The following ZPLD1 variants were observed in gnomAD, a reference collection of about 807,000 sequenced individuals.
The protein encoded by ZPLD1 is zona pellucida-like domain-containing protein 1.
Under a neutral mutation model 47.2 loss-of-function variants are expected in ZPLD1, and 34 were observed. The ratio of observed to expected loss-of-function variants is 0.72; its 90% CI spans 0.55 to 0.96. ZPLD1 has a LOEUF of 0.96. ZPLD1 is among the 40% of genes least tolerant of loss of function. The pLI is 0.00. For missense variants in ZPLD1, 512 were observed against 505.8 expected (o/e 1.01, Z -0.12); for synonymous variants, 176 against 186.2 (o/e 0.95, Z 0.45).
chr3:102,409,723 T>C (rs1706729421), intron 7 of ZPLD1, among the ~76,000 whole-genome samples: 1 of 151,802 alleles, frequency 6.6e-6, no homozygotes, highest in Admixed American at 6.6e-5. Flanking sequence ...TTCCATTTTT[T>C]GCTGAAACAG....
chr3:102,386,013 C>T (rs747869894), intron 6 of ZPLD1, among the ~76,000 whole-genome samples: 10 of 152,226 alleles, frequency 6.6e-5, no homozygotes, highest in African/African-American at 7.2e-5. Context: ...TTCTTCGAAC[C>T]GGTAGTGTCT....
chr3:102,411,767 T>G (rs1010536539), intron 7 of ZPLD1, among the ~76,000 whole-genome samples: 15 of 151,812 alleles, frequency 9.9e-5, no homozygotes, highest in African/African-American at 3.6e-4. Flanking sequence ...AATTATAGGA[T>G]AGGAGAGATG....
intron 5 of ZPLD1, among the ~76,000 whole-genome samples, chr3:102,457,327 C>T (rs748102374): frequency 9.8e-5 from 15 of 152,310 alleles, no homozygotes; most frequent in Middle Eastern, 3.4e-3. Context: ...CCAGTCCACA[C>T]ACTGAACACA....
At chr3:102,400,330 A>C (rs1471195511) in intron 7 of ZPLD1, among the ~76,000 whole-genome samples, 1 of 152,086 alleles carries the variant, frequency 6.6e-6, no homozygotes, top group African/African-American at 2.4e-5. Context: ...TGTTGAACAC[A>C]GTCTCTCACA....
intron 10 of ZPLD1, among the ~76,000 whole-genome samples, chr3:102,470,936 A>G (rs1015687194): frequency 2.0e-5 from 3 of 151,536 alleles, no homozygotes; most frequent in African/African-American, 7.3e-5. Flanking sequence ...CTGCCACCAT[A>G]CCTGGCTAAT....
At chr3:102,453,262 T>C (rs11708291) in intron 4 of ZPLD1, 123 bp downstream of exon 4, 148,277 of 862,042 alleles carry the variant, frequency 0.17, 14,539 homozygotes, top group Middle Eastern at 0.21. Context: ...ACAAATCACT[T>C]TCCTTTGCCT....
upstream of ZPLD1, among the ~76,000 whole-genome samples, chr3:102,432,181 C>T (rs138086692): frequency 3.1e-3 from 470 of 152,152 alleles, 3 homozygotes; most frequent in Middle Eastern, 0.02. Flanking sequence ...TAATTTAAAC[C>T]TTAATGAACT....
intron 3 of ZPLD1, among the ~76,000 whole-genome samples, chr3:102,450,100 A>G (rs997103418): frequency 6.6e-6 from 1 of 152,204 alleles, no homozygotes; most frequent in Non-Finnish European, 1.5e-5. Context: ...CAGGTCAAGT[A>G]TTTGGGTAAA....
intron 6 of ZPLD1, among the ~76,000 whole-genome samples, chr3:102,459,958 A>C (rs1707480866): frequency 6.6e-6 from 1 of 152,104 alleles, no homozygotes; most frequent in East Asian, 1.9e-4. Context: ...TTGCTGTATA[A>C]TACAGAAGAG....
At chr3:102,462,528 A>G (rs1707524448) in intron 7 of ZPLD1, 150 bp downstream of exon 7, 2 of 541,206 alleles carry the variant, frequency 3.7e-6, no homozygotes, top group Admixed American at 3.7e-5. Flanking sequence ...AAGAAATAAC[A>G]GATTACAAAG....
chr3:102,427,492 C>T (rs2107311451), intron 8 of ZPLD1, among the ~76,000 whole-genome samples: 1 of 152,224 alleles, frequency 6.6e-6, no homozygotes, highest in South Asian at 2.1e-4. Context: ...TCTCTAAATC[C>T]TTTTGGAATA....
chr3:102,392,519 C>T (rs754910238), intron 7 of ZPLD1, among the ~76,000 whole-genome samples: 1 of 150,084 alleles, frequency 6.7e-6, no homozygotes, highest in Non-Finnish European at 1.5e-5. Flanking sequence ...TTTCTTCCTT[C>T]CTTCCTTCCT....
intron 7 of ZPLD1, among the ~76,000 whole-genome samples, chr3:102,406,977 TTG>T: frequency 6.6e-6 from 1 of 151,998 alleles, no homozygotes. Flanking sequence ...ATTTTTGAAG[TTG>T]TGATTACATA....
chr3:102,463,810 A>T (rs62272492), intron 7 of ZPLD1, among the ~76,000 whole-genome samples: 19,827 of 150,054 alleles, frequency 0.13, 1,377 homozygotes, highest in Middle Eastern at 0.17. Flanking sequence ...GAGGCCGAGG[A>T]GGGTGGATCA....
intron 2 of ZPLD1, among the ~76,000 whole-genome samples, chr3:102,437,686 C>T (rs1030027693): frequency 2.0e-5 from 3 of 152,140 alleles, no homozygotes; most frequent in South Asian, 2.1e-4. Flanking sequence ...AATTATTAAA[C>T]GCAAAACTGA....
chr3:102,446,108 C>T (rs1336308076), intron 3 of ZPLD1, among the ~76,000 whole-genome samples: 2 of 152,174 alleles, frequency 1.3e-5, no homozygotes, highest in East Asian at 3.9e-4. Context: ...AAGACTTACA[C>T]ACCATTGAAA....
chr3:102,444,285 G>C (rs1707224047), intron 3 of ZPLD1, among the ~76,000 whole-genome samples: 1 of 152,304 alleles, frequency 6.6e-6, no homozygotes, highest in Non-Finnish European at 1.5e-5. Context: ...TAGAGCACTG[G>C]AAACAACAGC....
At chr3:102,465,357 G>C (rs1707574474) in intron 8 of ZPLD1, among the ~76,000 whole-genome samples, 1 of 152,104 alleles carries the variant, frequency 6.6e-6, no homozygotes, top group South Asian at 2.1e-4. Context: ...GAAAAAAATG[G>C]TTGGCTTTCT....
intron 7 of ZPLD1, among the ~76,000 whole-genome samples, chr3:102,412,922 C>A (rs759305167): frequency 2.6e-5 from 4 of 151,414 alleles, no homozygotes; most frequent in African/African-American, 7.3e-5. Flanking sequence ...GCATTGAGGG[C>A]GTATTGGATT....
Sources: gnomAD v4.1 joint callset for allele counts (sites outside exome capture counted in the v4.1 genomes callset) on GRCh38, gnomAD v4.1.1 for gene constraint, MANE v1.5 for transcripts, NCBI Gene and HGNC (gene_info 2026-07-23, HGNC 2026-07-21) for gene names.